The following KIAA1549 variants were observed in gnomAD, a reference collection of about 807,000 sequenced individuals.
KIAA1549 encodes UPF0606 protein KIAA1549.
In KIAA1549, 70 loss-of-function variants were observed where a neutral mutation model predicts 156.4. That is an observed-to-expected ratio of 0.45 (90% CI 0.37 to 0.55). The LOEUF is 0.55. KIAA1549 is among the 20% of genes least tolerant of loss of function. The pLI, the probability that KIAA1549 is intolerant of heterozygous loss-of-function variation, is 0.00. For synonymous variants in KIAA1549, 1,103 were observed against 1,066.4 expected (o/e 1.03, Z -0.67); for missense variants, 2,428 against 2,540.9 (o/e 0.96, Z 0.96).
intron 15 of KIAA1549, 39 bp downstream of exon 15, chr7:138,867,936 C>T: frequency 6.2e-7 from 1 of 1,605,828 alleles, no homozygotes; most frequent in Non-Finnish European, 8.5e-7. Flanking sequence ...TAGGAGCCGC[C>T]CCACCCGAGT....
Position 138,840,006 on chromosome 7 carries a change from G to T in KIAA1549, c.5598+127C>A, listed in dbSNP as rs1188063161. On this transcript the variant is annotated intron_variant, in intron 19 of 19. Coordinates refer to ENST00000422774, the MANE Select transcript of KIAA1549 (RefSeq NM_001164665.2). ...GGGATTTCACTACATTGGCCAGGCTGGTCTCAAACTCCTGACTTCGTGATC... is the reference window on the plus strand; with the variant it reads ...GGGATTTCACTACATTGGCCAGGCTTGTCTCAAACTCCTGACTTCGTGATC... 7.4e-5 allele frequency: 55 copies of T among 739,880 alleles called. No homozygotes were observed. The East Asian group carries it at 1.6e-3, about 21-fold the overall frequency. The allele number at this position is 739,880 out of a possible 1,614,324, so 45.8% of individuals were successfully genotyped here. A position where few individuals can be genotyped will look rare whatever the true frequency, so the allele number is the denominator to read the frequency against.
intron 12 of KIAA1549, among the ~76,000 whole-genome samples, chr7:138,878,224 T>C (rs1349714364): frequency 6.6e-6 from 1 of 150,490 alleles, no homozygotes; most frequent in Non-Finnish European, 1.5e-5. Flanking sequence ...ACAGGAGCCT[T>C]GAAGGCTGAG....
At chr7:138,906,815 A>T (rs903266597) in intron 6 of KIAA1549, 104 bp downstream of exon 6, 9 of 875,676 alleles carry the variant, frequency 1.0e-5, no homozygotes, top group African/African-American at 1.7e-5. Context: ...AATAATTTTT[A>T]AAAAATCAAG....
At chr7:138,970,768 C>T (rs1814195615) in intron 1 of KIAA1549, among the ~76,000 whole-genome samples, 2 of 152,310 alleles carry the variant, frequency 1.3e-5, no homozygotes, top group South Asian at 4.1e-4. Context: ...CCCAAGTTCC[C>T]CTGGAAGCTG....
chr7:138,844,227 G>A (rs1232798269), intron 18 of KIAA1549, 90 bp downstream of exon 18: 4 of 1,450,018 alleles, frequency 2.8e-6, no homozygotes, highest in Non-Finnish European at 3.8e-6. Flanking sequence ...AGAGGCCTCT[G>A]CACACTGACA....
At chr7:138,933,747 C>T (rs375901881) in intron 1 of KIAA1549, among the ~76,000 whole-genome samples, 2 of 152,218 alleles carry the variant, frequency 1.3e-5, no homozygotes, top group Admixed American at 1.3e-4. Flanking sequence ...AGGCGGATCA[C>T]CTGAGGTCAG....
chr7:138,927,352 T>C (rs1477038778), intron 1 of KIAA1549, among the ~76,000 whole-genome samples: 2 of 152,122 alleles, frequency 1.3e-5, no homozygotes, highest in Non-Finnish European at 1.5e-5. Flanking sequence ...TGCATAAGAA[T>C]GCAACTGGCT....
At chr7:138,953,695 T>A (rs1813563053) in intron 1 of KIAA1549, among the ~76,000 whole-genome samples, 2 of 152,352 alleles carry the variant, frequency 1.3e-5, no homozygotes, top group South Asian at 2.1e-4. Flanking sequence ...AGAATTTAAT[T>A]GGAAATGTTT....
chr7:138,838,083 T>C lies in KIAA1549; in HGVS notation c.5676A>G (p.Ser1892=). The part of the protein sequence containing the change: ...QVPRTSGREP[S]APSGNLPHRG... ...GGTGGGGGAGGTTCCCGGAAGGAGC[T>C]GAGGGCTCCCTGCCTGAAGTCCTTG... Residue 1892 remains serine, a synonymous_variant, in exon 20 of 20, where the codon TCA becomes TCG. Transcript: ENST00000422774. 4 of 1,582,772 alleles carry C rather than the reference T, an allele frequency of 2.5e-6. No homozygotes were observed. The highest frequency in any genetic ancestry group is 3.4e-6 in the Non-Finnish European group (4 of 1,165,672).
intron 15 of KIAA1549, among the ~76,000 whole-genome samples, chr7:138,863,950 G>A (rs1236209755): frequency 6.6e-6 from 1 of 152,104 alleles, no homozygotes; most frequent in Non-Finnish European, 1.5e-5. Flanking sequence ...CTTGTGAGGT[G>A]GATAAAGGTC....
chr7:138,907,229 A>T, intron 5 of KIAA1549, 127 bp from the exon 6 acceptor site: 1 of 725,338 alleles, frequency 1.4e-6, no homozygotes, highest in African/African-American at 1.8e-5. Context: ...AAGGAAACGT[A>T]ACTGGCTTTC....
rs1809550271 is a variant in KIAA1549, at chr7:138,832,146, G to A, written c.*5760C>T. Reference sequence around the variant, plus strand: ...TTCTGTGTAATCAGGGACTGCAAGAGACTCAAGTCACTCAAAATTTCACCT... The same window carrying A: ...TTCTGTGTAATCAGGGACTGCAAGAAACTCAAGTCACTCAAAATTTCACCT... On this transcript the variant is annotated 3_prime_UTR_variant, in exon 20 of 20. Coordinates refer to ENST00000422774, the MANE Select transcript of KIAA1549 (RefSeq NM_001164665.2). 4.8e-6 allele frequency: 1 copy of A among 207,936 alleles called. No individual in the cohort carries two copies. The highest frequency in any genetic ancestry group is 9.7e-6 in the Non-Finnish European group (1 of 103,204). The allele number at this position is 207,936 out of a possible 1,614,324, so 12.9% of individuals were successfully genotyped here.
chr7:138,895,093 T>C (rs544130130), intron 9 of KIAA1549, among the ~76,000 whole-genome samples: 1 of 152,372 alleles, frequency 6.6e-6, no homozygotes, highest in Admixed American at 6.5e-5. Context: ...CAAATGTTTA[T>C]TAAGTGTGCT....
rs1563039507 is a variant in KIAA1549 at position 138,832,211 on chromosome 7, T to TTTTTTTTTTTTTTTTCC, written c.*5694_*5695insGGAAAAAAAAAAAAAAA. On this transcript the variant is annotated 3_prime_UTR_variant, in exon 20 of 20. Transcript: ENST00000422774. ...TATTCCTTTTTTTTTTTTTTTTTTT[T>TTTTTTTTTTTTTTTTCC]CCAGAGACAGGACCTCACCCTGCAG... 5.5e-6 allele frequency: 1 copy of TTTTTTTTTTTTTTTTCC among 182,232 alleles called. No homozygotes were observed. The highest frequency in any genetic ancestry group is 1.1e-5 in the Non-Finnish European group (1 of 92,506). The allele number at this position is 182,232 out of a possible 1,614,324, so 11.3% of individuals were successfully genotyped here.
chr7:138,975,939 G>A (rs1814364716), intron 1 of KIAA1549, among the ~76,000 whole-genome samples: 2 of 152,332 alleles, frequency 1.3e-5, no homozygotes, highest in African/African-American at 2.4e-5. Flanking sequence ...TTCCTGACAA[G>A]CACTGCAGCA....
intron 1 of KIAA1549, among the ~76,000 whole-genome samples, chr7:138,920,973 A>C (rs773435659): frequency 1.3e-5 from 2 of 152,230 alleles, no homozygotes. Context: ...GCAAGACAGT[A>C]AGGGGAACGT....
chr7:138,976,356 C>G (rs1172434473), intron 1 of KIAA1549, among the ~76,000 whole-genome samples: 1 of 152,116 alleles, frequency 6.6e-6, no homozygotes, highest in East Asian at 1.9e-4. Context: ...TCACCGCGCC[C>G]GGCCTCAACA....
rs1563039449 is a variant in KIAA1549 at position 138,832,190 on chromosome 7, C to CTTTTTTTTTTTTTTTT, written c.*5715_*5716insAAAAAAAAAAAAAAAA. On this transcript the variant is annotated 3_prime_UTR_variant, in exon 20 of 20. Transcript: ENST00000422774. Reference sequence around the variant, plus strand: ...TTCACCTCTGTCCCTTTTACCTATTCCTTTTTTTTTTTTTTTTTTTTCCAG... The same window carrying CTTTTTTTTTTTTTTTT: ...TTCACCTCTGTCCCTTTTACCTATTCTTTTTTTTTTTTTTTTCTTTTTTTTTTTTTTTTTTTTCCAG... 4.3e-3 allele frequency: 734 copies of CTTTTTTTTTTTTTTTT among 169,554 alleles called. 35 individuals are homozygous for CTTTTTTTTTTTTTTTT. The highest frequency in any genetic ancestry group is 6.0e-3 in the Middle Eastern group (3 of 502). 10.5% of individuals were successfully genotyped at this position (169,554 alleles called of 1,614,324 possible). A position where few individuals can be genotyped will look rare whatever the true frequency, so the allele number is the denominator to read the frequency against.
chr7:138,863,022 T>A lies in KIAA1549; in HGVS notation c.4930-1566A>T, dbSNP rs773829473. Among the ~76,000 whole-genome samples the A allele has an allele frequency of 2.0e-5, 3 of 152,218 alleles. No homozygotes were observed. In the East Asian group the frequency reaches 5.8e-4, roughly 29 times the overall value. On this transcript the variant is annotated intron_variant, in intron 15 of 19. Transcript: ENST00000422774. ...AATATAAGTAACAATAAAGATTTTT[T>A]AAATCTCATTTCCCAATACTGTTAT... is the stretch of plus-strand genomic sequence containing the variant.
Sources: gnomAD v4.1 joint callset for allele counts (sites outside exome capture counted in the v4.1 genomes callset) on GRCh38, gnomAD v4.1.1 for gene constraint, MANE v1.5 for transcripts, NCBI Gene and HGNC (gene_info 2026-07-23, HGNC 2026-07-21) for gene names.